The following SYNGR1 variants were observed in gnomAD, a reference collection of about 807,000 sequenced individuals.
SYNGR1 encodes the protein synaptogyrin-1.
SYNGR1 carries 14 observed loss-of-function variants against 26.1 expected under a neutral mutation model. The ratio of observed to expected loss-of-function variants is 0.54; its 90% CI spans 0.35 to 0.84. The LOEUF (loss-of-function observed/expected upper bound fraction) is 0.84, where lower values mean the gene tolerates loss of function less well. Ranked by LOEUF, SYNGR1 falls within the 40% of genes least tolerant of loss-of-function variation. SYNGR1 has a pLI of 0.01. For synonymous variants in SYNGR1, 141 were observed against 150.1 expected (o/e 0.94, Z 0.44); for missense variants, 319 against 332.9 (o/e 0.96, Z 0.33).
At chr22:39,373,138 TACACACAC>T (rs10548475) in intron 1 of SYNGR1, among the ~76,000 whole-genome samples, 1 of 146,316 alleles carries the variant, frequency 6.8e-6, no homozygotes, top group African/African-American at 2.5e-5. Context: ...TTCTATTTAA[TACACACAC>T]ACACACACAC....
intron 3 of SYNGR1, among the ~76,000 whole-genome samples, chr22:39,378,730 C>A (rs1391551391): frequency 6.6e-6 from 1 of 152,222 alleles, no homozygotes; most frequent in Non-Finnish European, 1.5e-5. Context: ...GAGAGAGCAC[C>A]TACACTGAGA....
At chr22:39,352,404 GC>G (rs1266205018) in intron 1 of SYNGR1, among the ~76,000 whole-genome samples, 1 of 152,230 alleles carries the variant, frequency 6.6e-6, no homozygotes, top group Admixed American at 6.5e-5. Context: ...TGTGATGGTT[GC>G]ACGGTAGGAA....
At position 39,372,198 on chromosome 22, in the gene SYNGR1, C is replaced by G. The variant is rs531723304; in HGVS notation, c.100-2118C>G. ...TAAGCTGGAGTGCAGTGGGGTTGAT[C>G]TTGGCACACTGCAACCTCCACCTCC... On this transcript the variant is annotated intron_variant, in intron 1 of 3. Transcript: ENST00000328933. Among the ~76,000 whole-genome samples the G allele has an allele frequency of 2.1e-4, 27 of 125,966 alleles. 1 individual carries two copies. In the South Asian group the frequency reaches 6.7e-3, roughly 31 times the overall value. The allele number at this position is 125,966 out of a possible 152,430, so 82.6% of individuals were successfully genotyped here.
At chr22:39,367,340 G>A (rs767955385) in intron 1 of SYNGR1, among the ~76,000 whole-genome samples, 44 of 152,232 alleles carry the variant, frequency 2.9e-4, no homozygotes, top group Non-Finnish European at 5.6e-4. Context: ...CAAACAAACA[G>A]CAAAGTAGGT....
chr22:39,377,758 A>G (rs928754896), intron 3 of SYNGR1: 9 of 1,581,022 alleles, frequency 5.7e-6, no homozygotes, highest in African/African-American at 5.4e-5. Flanking sequence ...GGAGCAGCCT[A>G]GTGCCAGAAA....
At chr22:39,356,633 A>AG (rs1170971368) in intron 1 of SYNGR1, among the ~76,000 whole-genome samples, 2 of 152,052 alleles carry the variant, frequency 1.3e-5, no homozygotes, top group Non-Finnish European at 2.9e-5. Flanking sequence ...GGAGGAAGGG[A>AG]GAGGCAGATG....
intron 1 of SYNGR1, among the ~76,000 whole-genome samples, chr22:39,355,318 C>T (rs758489344): frequency 6.6e-6 from 1 of 152,218 alleles, no homozygotes; most frequent in Non-Finnish European, 1.5e-5. Context: ...TGCGTGGTCA[C>T]GTCCAGCCTG....
At chr22:39,371,607 A>G (rs1925022003) in intron 1 of SYNGR1, among the ~76,000 whole-genome samples, 1 of 152,170 alleles carries the variant, frequency 6.6e-6, no homozygotes, top group South Asian at 2.1e-4. Flanking sequence ...CCTGACAAAC[A>G]TGACGAAACT....
intron 3 of SYNGR1, chr22:39,378,237 G>A: frequency 9.7e-7 from 1 of 1,036,232 alleles, no homozygotes; most frequent in Non-Finnish European, 1.2e-6. Context: ...ACAAACCCGT[G>A]CACCTCTCTC....
In SYNGR1 at chr22:39,379,275, G is replaced by A. The variant is rs116523637; in HGVS notation, c.484-2421G>A. Among the ~76,000 whole-genome samples, 369 of 152,310 alleles carry A rather than the reference G, an allele frequency of 2.4e-3. 1 individual carries two copies. The highest frequency in any genetic ancestry group is 8.5e-3 in the African/African-American group (354 of 41,576). On this transcript the variant is annotated intron_variant, in intron 3 of 3. Transcript: ENST00000328933. ...GCCTTTCCCAAGGTGCTGGCACTTT[G>A]CTTTAAATACCCACCTCCCAGAAAG...
chr22:39,358,827 G>C (rs1167179397), intron 1 of SYNGR1, among the ~76,000 whole-genome samples: 3 of 152,162 alleles, frequency 2.0e-5, no homozygotes, highest in African/African-American at 7.2e-5. Context: ...GAGCCTGGAA[G>C]GGCAGTCATG....
chr22:39,360,426 C>T (rs2284075), intron 1 of SYNGR1, among the ~76,000 whole-genome samples: 4,777 of 152,270 alleles, frequency 0.031, 183 homozygotes, highest in East Asian at 0.13. Context: ...CTCGCCCCTC[C>T]TCGCCATCTT....
chr22:39,362,441 T>C (rs560139735), intron 1 of SYNGR1, among the ~76,000 whole-genome samples: 6 of 151,690 alleles, frequency 4.0e-5, no homozygotes, highest in South Asian at 2.1e-4. Context: ...GCCTGGAGCC[T>C]CACCTGCCCC....
Position 39,359,457 on chromosome 22 carries a change from T to TA in SYNGR1, c.99+9362dup, listed in dbSNP as rs34838867. ...TGAGACAGTGAAACCCCGTCTCTAC[T>TA]AAAAAAAAAAAAAATACAAAAAAAT... On this transcript the variant is annotated intron_variant, in intron 1 of 3. Transcript: ENST00000328933. Among the ~76,000 whole-genome samples the TA allele has an allele frequency of 1.4e-3, 198 of 144,170 alleles. 2 individuals carry two copies. The highest frequency in any genetic ancestry group is 0.011 in the Middle Eastern group (3 of 282). The allele number at this position is 144,170 out of a possible 152,430, so 94.6% of individuals were successfully genotyped here.
At chr22:39,376,977 T>C (rs1925312172) in intron 3 of SYNGR1, 2 of 1,550,154 alleles carry the variant, frequency 1.3e-6, no homozygotes, top group South Asian at 2.4e-5. Context: ...CTGGTCTGGG[T>C]CATGTCTGTT....
At chr22:39,363,525 GCTGGGGAGGCTGAGAGAGATCA>G in intron 1 of SYNGR1, among the ~76,000 whole-genome samples, 1 of 152,046 alleles carries the variant, frequency 6.6e-6, no homozygotes, top group African/African-American at 2.4e-5. Flanking sequence ...AGCAGCTGGT[GCTGGGGAGGCTGAGAGAGATCA>G]CTGGGGAGGC....
At chr22:39,374,758 C>A in intron 2 of SYNGR1, 1 of 625,234 alleles carries the variant, frequency 1.6e-6, no homozygotes, top group South Asian at 1.9e-5. Context: ...ACCCATGCTG[C>A]CCACAGGCAG....
chr22:39,376,728 G>A (rs948565995), intron 3 of SYNGR1, among the ~76,000 whole-genome samples: 5 of 152,264 alleles, frequency 3.3e-5, no homozygotes, highest in South Asian at 2.1e-4. Context: ...CCTGAGAGCC[G>A]TGAGCAGGCC....
intron 1 of SYNGR1, among the ~76,000 whole-genome samples, chr22:39,352,006 T>C (rs1226426507): frequency 6.6e-6 from 1 of 152,206 alleles, no homozygotes; most frequent in Non-Finnish European, 1.5e-5. Context: ...CACACACAGC[T>C]ACCTAGCTGG....
Sources: allele counts gnomAD v4.1 joint callset (sites outside exome capture counted in the v4.1 genomes callset), GRCh38; gene constraint gnomAD v4.1.1; transcripts MANE v1.5; gene names NCBI Gene and HGNC (gene_info 2026-07-23, HGNC 2026-07-21).